NDST4: variants seen among roughly 807,000 people sequenced by gnomAD.
NDST4 encodes the protein N-heparan sulfate sulfotransferase 4.
In NDST4, 63 loss-of-function variants were observed where a neutral mutation model predicts 100.8. That is an observed-to-expected ratio of 0.62 (90% CI 0.51 to 0.77). The LOEUF (loss-of-function observed/expected upper bound fraction) is 0.77, where lower values mean the gene tolerates loss of function less well. NDST4 is among the 30% of genes least tolerant of loss of function. The pLI, the probability that NDST4 is intolerant of heterozygous loss-of-function variation, is 0.00. For missense variants in NDST4, 943 were observed against 1,018.4 expected (o/e 0.93, Z 1.01); for synonymous variants, 377 against 361.8 (o/e 1.04, Z -0.48).
At chr4:114,989,695 A>T (rs1726994195) in intron 2 of NDST4, among the ~76,000 whole-genome samples, 1 of 152,200 alleles carries the variant, frequency 6.6e-6, no homozygotes, top group Non-Finnish European at 1.5e-5. Context: ...GGAGAAAAAC[A>T]GGTTAGCCAA....
chr4:114,891,209 G>T (rs1445808577), intron 6 of NDST4, among the ~76,000 whole-genome samples: 1 of 151,972 alleles, frequency 6.6e-6, no homozygotes, highest in African/African-American at 2.4e-5. Context: ...CTCTTCACCT[G>T]AAAAGTCCTC....
At chr4:115,033,761 C>G (rs1044099765) in intron 2 of NDST4, among the ~76,000 whole-genome samples, 1 of 151,600 alleles carries the variant, frequency 6.6e-6, no homozygotes, top group Non-Finnish European at 1.5e-5. Flanking sequence ...AACATTTGAA[C>G]GATGTTTATC....
chr4:115,009,516 C>T (rs1248928088), intron 2 of NDST4, among the ~76,000 whole-genome samples: 1 of 123,176 alleles, frequency 8.1e-6, no homozygotes, highest in Non-Finnish European at 1.7e-5. Flanking sequence ...CTTCCTTACA[C>T]CTTATACAAA....
chr4:114,958,066 A>G (rs1389001093), intron 4 of NDST4, among the ~76,000 whole-genome samples: 1 of 152,156 alleles, frequency 6.6e-6, no homozygotes, highest in Non-Finnish European at 1.5e-5. Flanking sequence ...CCCTCTTCTC[A>G]CAGCTCCACT....
At chr4:115,091,490 A>C (rs888463329) in intron 1 of NDST4, among the ~76,000 whole-genome samples, 1 of 152,150 alleles carries the variant, frequency 6.6e-6, no homozygotes, top group Admixed American at 6.5e-5. Context: ...GTAGAAAGAA[A>C]AAACACAAGA....
At chr4:115,092,148 A>C (rs1729532667) in intron 1 of NDST4, among the ~76,000 whole-genome samples, 1 of 152,188 alleles carries the variant, frequency 6.6e-6, no homozygotes, top group Non-Finnish European at 1.5e-5. Context: ...CCTGGGCAAT[A>C]CTGGGATCTG....
chr4:115,052,186 T>A (rs1006751746), intron 2 of NDST4, among the ~76,000 whole-genome samples: 1 of 152,178 alleles, frequency 6.6e-6, no homozygotes, highest in Non-Finnish European at 1.5e-5. Flanking sequence ...AATATTTACA[T>A]AAATTCAAAC....
chr4:114,856,759 A>G (rs1359068564), intron 7 of NDST4, among the ~76,000 whole-genome samples: 1 of 152,156 alleles, frequency 6.6e-6, no homozygotes, highest in Non-Finnish European at 1.5e-5. Context: ...AATAAGTGGA[A>G]ATTACTCTGG....
At chr4:114,854,894 C>G (rs1477427919) in intron 7 of NDST4, among the ~76,000 whole-genome samples, 1 of 152,184 alleles carries the variant, frequency 6.6e-6, no homozygotes, top group Non-Finnish European at 1.5e-5. Flanking sequence ...TACATTCCCA[C>G]CAACAGTGTC....
At chr4:115,010,253 G>A (rs9762896) in intron 2 of NDST4, among the ~76,000 whole-genome samples, 95,423 of 120,510 alleles carry the variant, frequency 0.79, 42,975 homozygotes, top group African/African-American at 0.86. Flanking sequence ...TTATTGCGGC[G>A]CTATTCACAA....
chr4:115,071,276 TCACACACACACACACACACACA>T (rs70964340), intron 2 of NDST4, among the ~76,000 whole-genome samples: 2 of 138,178 alleles, frequency 1.4e-5, no homozygotes, highest in Non-Finnish European at 3.1e-5. Flanking sequence ...AAGTATGCCT[TCACACACACACACACACACACA>T]CACACACACA....
chr4:115,013,134 T>A (rs1727592199), intron 2 of NDST4, among the ~76,000 whole-genome samples: 1 of 151,048 alleles, frequency 6.6e-6, no homozygotes, highest in Non-Finnish European at 1.5e-5. Flanking sequence ...ATGAATAAGA[T>A]CTAGTATTTG....
In NDST4 at chr4:115,021,394, A is replaced by G. The variant is rs938759150; in HGVS notation, c.979-44120T>C. ...CCATATATATATTCCATATATATAC[A>G]TTCCATATAAATACATTCCACATAC... On this transcript the variant is annotated intron_variant, in intron 2 of 13. Coordinates refer to ENST00000264363, the MANE Select transcript of NDST4 (RefSeq NM_022569.3). Among the ~76,000 whole-genome samples the G allele has an allele frequency of 4.7e-5, 7 of 150,394 alleles. No homozygotes were observed. In the South Asian group the frequency reaches 6.2e-4, roughly 13 times the overall value.
intron 2 of NDST4, among the ~76,000 whole-genome samples, chr4:115,063,552 T>C (rs1728868352): frequency 6.6e-6 from 1 of 151,940 alleles, no homozygotes; most frequent in Admixed American, 6.6e-5. Context: ...TAGTCATTCT[T>C]TAGATATGAA....
At chr4:115,000,434 C>T (rs1332073469) in intron 2 of NDST4, among the ~76,000 whole-genome samples, 1 of 151,798 alleles carries the variant, frequency 6.6e-6, no homozygotes, top group African/African-American at 2.4e-5. Flanking sequence ...TGATAAATCA[C>T]AAAGCTATAA....
intron 10 of NDST4, among the ~76,000 whole-genome samples, chr4:114,840,264 T>C (rs980446943): frequency 2.6e-5 from 4 of 152,176 alleles, no homozygotes; most frequent in African/African-American, 4.8e-5. Flanking sequence ...CAAACTATCA[T>C]TGGTCAAACA....
intron 4 of NDST4, among the ~76,000 whole-genome samples, chr4:114,952,268 C>T (rs1726033373): frequency 6.6e-6 from 1 of 152,030 alleles, no homozygotes; most frequent in Non-Finnish European, 1.5e-5. Flanking sequence ...ATTATTGCTG[C>T]TTGATACTGA....
chr4:114,833,146 A>G (rs1723237328), intron 12 of NDST4, among the ~76,000 whole-genome samples: 1 of 152,252 alleles, frequency 6.6e-6, no homozygotes, highest in African/African-American at 2.4e-5. Flanking sequence ...TAGCTGGAAC[A>G]GTATACATGA....
chr4:114,933,432 C>CTTTTTTTTTTTTTTTTTTCTTTTTTTT (rs1553955185), intron 6 of NDST4, among the ~76,000 whole-genome samples: 2 of 89,278 alleles, frequency 2.2e-5, no homozygotes, highest in Admixed American at 1.3e-4. Flanking sequence ...TTTTCTTTTC[C>CTTTTTTTTTTTTTTTTTTCTTTTTTTT]TTTTTTTTTT....
Sources: allele counts gnomAD v4.1 joint callset (sites outside exome capture counted in the v4.1 genomes callset), GRCh38; gene constraint gnomAD v4.1.1; transcripts MANE v1.5; gene names NCBI Gene and HGNC (gene_info 2026-07-23, HGNC 2026-07-21).